Variants in PCGF5 observed in about 807,000 individuals in gnomAD.
PCGF5 encodes polycomb group ring finger 5.
In PCGF5, 9 loss-of-function variants were observed where a neutral mutation model predicts 44.3. The observed-to-expected ratio is 0.20, with a 90% confidence interval of 0.12 to 0.35. PCGF5 has a LOEUF of 0.35. Among genes scored for constraint, PCGF5 ranks in the 10% least tolerant of loss-of-function variants. The pLI is 1.00. For missense variants in PCGF5, 146 were observed against 305.3 expected (o/e 0.48, Z 3.89); for synonymous variants, 95 against 102.5 (o/e 0.93, Z 0.44).
chr10:91,240,433 A>T, intron 2 of PCGF5, 51 bp from the exon 3 acceptor site: 1 of 1,195,788 alleles, frequency 8.4e-7, no homozygotes, highest in Non-Finnish European at 1.2e-6. Flanking sequence ...GTTTAACATT[A>T]AATGAGCGTT....
At chr10:91,201,526 A>C (rs1044142271) in intron 1 of PCGF5, among the ~76,000 whole-genome samples, 1 of 152,160 alleles carries the variant, frequency 6.6e-6, no homozygotes, top group Non-Finnish European at 1.5e-5. Flanking sequence ...AATGTGTAAA[A>C]AAAATACGTA....
chr10:91,197,264 C>G (rs1279263316), intron 1 of PCGF5, among the ~76,000 whole-genome samples: 2 of 152,194 alleles, frequency 1.3e-5, no homozygotes, highest in South Asian at 2.1e-4. Context: ...TCTGAAGGCT[C>G]GCGAGCTGAC....
Position 91,283,886 on chromosome 10 carries a change from A to G in PCGF5, c.*5570A>G, listed in dbSNP as rs1182438627. The G allele has an allele frequency of 6.5e-6, 1 of 152,700 alleles. No homozygotes were observed. Among genetic ancestry groups the G allele is most frequent in the Non-Finnish European group, 1.5e-5 (1 of 68,052 alleles). The allele number at this position is 152,700 out of a possible 1,614,324, so 9.5% of individuals were successfully genotyped here. Reference sequence around the variant, plus strand: ...GTCAAAAGTGGTAACATCTTAATACAAATAAAAACCTTTTTGTGGTTGTAA... The same window carrying G: ...GTCAAAAGTGGTAACATCTTAATACGAATAAAAACCTTTTTGTGGTTGTAA... On this transcript the variant is annotated 3_prime_UTR_variant, in exon 10 of 10. Coordinates refer to ENST00000336126, the MANE Select transcript of PCGF5 (RefSeq NM_032373.5).
intron 6 of PCGF5, among the ~76,000 whole-genome samples, chr10:91,260,199 CAT>C (rs747072069): frequency 5.4e-5 from 8 of 149,286 alleles, no homozygotes; most frequent in Non-Finnish European, 1.0e-4. Context: ...AGCCAACAGA[CAT>C]GTGAAAAAAT....
intron 1 of PCGF5, among the ~76,000 whole-genome samples, chr10:91,203,983 C>T (rs759643528): frequency 6.6e-6 from 1 of 152,098 alleles, no homozygotes; most frequent in Non-Finnish European, 1.5e-5. Context: ...AGTGATTGTA[C>T]AACTATTTGA....
chr10:91,245,904 A>G (rs977871289), intron 3 of PCGF5, among the ~76,000 whole-genome samples: 1 of 152,162 alleles, frequency 6.6e-6, no homozygotes, highest in African/African-American at 2.4e-5. Flanking sequence ...TGAGTGTAGT[A>G]TGATTCCTGG....
intron 1 of PCGF5, among the ~76,000 whole-genome samples, chr10:91,195,564 A>G (rs1336906739): frequency 6.6e-6 from 1 of 151,306 alleles, no homozygotes; most frequent in Non-Finnish European, 1.5e-5. Context: ...GGCTCACTGC[A>G]GCCTTGGCCT....
In PCGF5 at chr10:91,229,703, T is replaced by C. The variant is rs975833022; in HGVS notation, c.112+6720T>C. ...GTAACTGTTGTGTACCCAATACTGA[T>C]CTGAATTTATGATTCTGAATGAATA... is the stretch of plus-strand genomic sequence containing the variant. On this transcript the variant is annotated intron_variant, in intron 2 of 9. Transcript: ENST00000336126. Among the ~76,000 whole-genome samples the C allele has an allele frequency of 4.6e-5, 7 of 152,190 alleles. No homozygotes were observed. In the East Asian group the frequency reaches 1.3e-3, roughly 29 times the overall value.
At chr10:91,156,519 C>A in the PCGF5 span, among the ~76,000 whole-genome samples, 2 of 152,208 alleles carry the variant, frequency 1.3e-5, no homozygotes, top group Admixed American at 1.3e-4. Context: ...AGAGAATTTT[C>A]TGGTTCTATC....
chr10:91,162,047 T>A (rs540185269), upstream of PCGF5, among the ~76,000 whole-genome samples: 1 of 151,924 alleles, frequency 6.6e-6, no homozygotes, highest in African/African-American at 2.4e-5. Context: ...CCAACAAAGT[T>A]TGACAGGTGG....
At chr10:91,189,475 T>G (rs1311249531) in intron 1 of PCGF5, among the ~76,000 whole-genome samples, 1 of 152,254 alleles carries the variant, frequency 6.6e-6, no homozygotes, top group Non-Finnish European at 1.5e-5. Context: ...TTATTGAGAA[T>G]CTACACTTGC....
intron 1 of PCGF5, among the ~76,000 whole-genome samples, chr10:91,184,699 C>G (rs1843885773): frequency 6.6e-6 from 1 of 151,096 alleles, no homozygotes; most frequent in Admixed American, 6.6e-5. Flanking sequence ...GCTTATCTAC[C>G]TTCAGTATTT....
chr10:91,210,921 G>A (rs913072816), intron 1 of PCGF5, among the ~76,000 whole-genome samples: 1 of 152,050 alleles, frequency 6.6e-6, no homozygotes, highest in African/African-American at 2.4e-5. Context: ...TTTCAGACAC[G>A]AAGAATTATC....
At chr10:91,184,359 C>T (rs1159340464) in intron 1 of PCGF5, among the ~76,000 whole-genome samples, 1 of 152,086 alleles carries the variant, frequency 6.6e-6, no homozygotes, top group African/African-American at 2.4e-5. Context: ...GATATTAATA[C>T]TTTTTATTCC....
intron 3 of PCGF5, among the ~76,000 whole-genome samples, chr10:91,248,079 C>G (rs185922531): frequency 6.6e-6 from 1 of 152,054 alleles, no homozygotes; most frequent in Non-Finnish European, 1.5e-5. Flanking sequence ...CAGCCTTGTT[C>G]TCATGGTAGC....
At chr10:91,221,148 A>G (rs1013599560) in intron 1 of PCGF5, among the ~76,000 whole-genome samples, 1 of 152,074 alleles carries the variant, frequency 6.6e-6, no homozygotes, top group African/African-American at 2.4e-5. Flanking sequence ...GGGACCCCAC[A>G]GGGCTGTACC....
At chr10:91,194,105 T>C (rs1844083993) in intron 1 of PCGF5, among the ~76,000 whole-genome samples, 1 of 152,174 alleles carries the variant, frequency 6.6e-6, no homozygotes, top group South Asian at 2.1e-4. Flanking sequence ...GTGTGACATG[T>C]CTGTTAAACA....
At chr10:91,247,606 G>A (rs1179730711) in intron 3 of PCGF5, among the ~76,000 whole-genome samples, 4 of 148,088 alleles carry the variant, frequency 2.7e-5, no homozygotes, top group African/African-American at 5.0e-5. Flanking sequence ...GTGTTGTGGG[G>A]GCAAGAGAAT....
At chr10:91,207,593 T>C (rs1844370738) in intron 1 of PCGF5, among the ~76,000 whole-genome samples, 1 of 152,210 alleles carries the variant, frequency 6.6e-6, no homozygotes, top group Admixed American at 6.5e-5. Flanking sequence ...TGCAGACCTG[T>C]CCCAATGATA....
Sources: gnomAD v4.1 joint callset for allele counts (sites outside exome capture counted in the v4.1 genomes callset) on GRCh38, gnomAD v4.1.1 for gene constraint, MANE v1.5 for transcripts, NCBI Gene and HGNC (gene_info 2026-07-23, HGNC 2026-07-21) for gene names.